PTPRG: variants seen among roughly 807,000 people sequenced by gnomAD.
The protein encoded by PTPRG is receptor-type tyrosine-protein phosphatase gamma.
PTPRG carries 102 observed loss-of-function variants against 165.3 expected under a neutral mutation model. That is an observed-to-expected ratio of 0.62 (90% confidence interval 0.53 to 0.73). PTPRG has a LOEUF of 0.73. PTPRG is among the 30% of genes least tolerant of loss of function. PTPRG has a pLI of 0.00. For missense variants in PTPRG, 1,866 were observed against 1,861.4 expected (o/e 1.00, Z -0.05); for synonymous variants, 675 against 669.5 (o/e 1.01, Z -0.13).
intron 4 of PTPRG, among the ~76,000 whole-genome samples, chr3:62,036,539 C>G (rs1281970450): frequency 2.0e-5 from 3 of 152,132 alleles, no homozygotes; most frequent in Admixed American, 6.5e-5. Flanking sequence ...GAAATCCACT[C>G]AAGAGTTAAA....
chr3:61,599,548 A>G (rs142280855), intron 1 of PTPRG, among the ~76,000 whole-genome samples: 2 of 152,238 alleles, frequency 1.3e-5, no homozygotes, highest in Non-Finnish European at 2.9e-5. Flanking sequence ...GCTGAAGTGC[A>G]GAGGTATGAT....
chr3:61,872,635 A>G (rs1211262406), intron 2 of PTPRG, among the ~76,000 whole-genome samples: 2 of 152,034 alleles, frequency 1.3e-5, no homozygotes, highest in Non-Finnish European at 2.9e-5. Context: ...CCATTTGTAC[A>G]GTGTATTGTC....
At chr3:62,150,011 G>A (rs943623689) in intron 6 of PTPRG, among the ~76,000 whole-genome samples, 4 of 152,112 alleles carry the variant, frequency 2.6e-5, no homozygotes, top group Admixed American at 2.6e-4. Flanking sequence ...TTCTCCCCAT[G>A]TAGCCATGTA....
intron 2 of PTPRG, among the ~76,000 whole-genome samples, chr3:61,904,879 A>T (rs1392482763): frequency 6.6e-6 from 1 of 152,026 alleles, no homozygotes; most frequent in Admixed American, 6.5e-5. Flanking sequence ...TTACCAAAGT[A>T]TAAAGTGATC....
Position 62,297,337 on chromosome 3 carries a change from G to A in PTPRG, c.*4030G>A, listed in dbSNP as rs1366031295. On this transcript the variant is annotated 3_prime_UTR_variant, in exon 30 of 30. Transcript: ENST00000474889. ...ACATGTGTTATTTCTTTGAGGCAGT[G>A]ATTGTGAAAGTTGGGTTTTCTTTTT... 2 of 151,828 alleles carry A rather than the reference G, an allele frequency of 1.3e-5. No individual in the cohort carries two copies. Among genetic ancestry groups the A allele is most frequent in the African/African-American group, 2.4e-5 (1 of 41,398 alleles). 9.4% of individuals were successfully genotyped at this position (151,828 alleles called of 1,614,324 possible).
At chr3:61,640,355 G>T (rs902246925) in intron 1 of PTPRG, among the ~76,000 whole-genome samples, 2 of 152,082 alleles carry the variant, frequency 1.3e-5, no homozygotes. Context: ...ATACACCTGG[G>T]GCCATTTCCA....
rs1699929156 is a variant in PTPRG, at chr3:62,036,126, T to G, written c.519+32629T>G. ...CAGATACAAAAACATCATAAATAATTGCATATGTTAGAAGGTGAGAAGTAC... is the reference window on the plus strand; with the variant it reads ...CAGATACAAAAACATCATAAATAATGGCATATGTTAGAAGGTGAGAAGTAC... On this transcript the variant is annotated intron_variant, in intron 4 of 29. Transcript: ENST00000474889. Among the ~76,000 whole-genome samples the G allele has an allele frequency of 2.0e-5, 3 of 151,934 alleles. No individual in the cohort carries two copies. In the South Asian group the frequency reaches 6.2e-4, roughly 32 times the overall value.
intron 2 of PTPRG, among the ~76,000 whole-genome samples, chr3:61,866,451 A>T (rs2037409769): frequency 6.6e-6 from 1 of 152,154 alleles, no homozygotes; most frequent in Admixed American, 6.5e-5. Context: ...GCTGAGAACC[A>T]GAAGGAGAAA....
intron 4 of PTPRG, among the ~76,000 whole-genome samples, chr3:62,004,608 C>T (rs939378825): frequency 2.0e-5 from 3 of 152,188 alleles, no homozygotes; most frequent in East Asian, 3.9e-4. Context: ...TCTCTTCTCT[C>T]GACTGCAGCA....
intron 2 of PTPRG, among the ~76,000 whole-genome samples, chr3:61,920,129 C>T (rs1273151067): frequency 6.6e-6 from 1 of 152,180 alleles, no homozygotes; most frequent in African/African-American, 2.4e-5. Flanking sequence ...TGCCTGCACT[C>T]GTCCCCACAT....
chr3:62,168,033 T>C lies in PTPRG; in HGVS notation c.903T>C (p.Tyr301=), dbSNP rs911872298. 6.2e-6 allele frequency: 10 copies of C among 1,613,794 alleles called. No homozygotes were observed. The Admixed American group carries it at 8.3e-5, about 13-fold the overall frequency. Residue 301 remains tyrosine, a synonymous_variant, in exon 8 of 30, where the codon TAT becomes TAC. Coordinates refer to ENST00000474889, the MANE Select transcript of PTPRG (RefSeq NM_002841.4). ...AAGACCATGTCAAGTCGGTGGAGTA[T>C]CTGAGAAATAACTTTCGACCACAGC... ...EQQDHVKSVE[Y]LRNNFRPQQR...
chr3:61,564,438 A>G (rs1031849077), intron 1 of PTPRG, among the ~76,000 whole-genome samples: 1 of 152,180 alleles, frequency 6.6e-6, no homozygotes, highest in African/African-American at 2.4e-5. Flanking sequence ...TGGGACTGCC[A>G]GGGAACCAGC....
intron 8 of PTPRG, among the ~76,000 whole-genome samples, chr3:62,173,250 G>GT (rs149228099): frequency 0.012 from 1,754 of 150,272 alleles, 32 homozygotes; most frequent in African/African-American, 0.041. Flanking sequence ...ATTTTTTATT[G>GT]TTTTTTTTTC....
intron 8 of PTPRG, among the ~76,000 whole-genome samples, chr3:62,184,914 C>G (rs1356074699): frequency 6.6e-6 from 1 of 151,932 alleles, no homozygotes; most frequent in Non-Finnish European, 1.5e-5. Context: ...AAGAAGGCCC[C>G]TGGAGGAACC....
rs551079989 is a variant in PTPRG at position 61,773,593 on chromosome 3, A to C, written c.190+24611A>C. Among the ~76,000 whole-genome samples, 18 of 152,270 alleles carry C rather than the reference A, an allele frequency of 1.2e-4. No individual in the cohort carries two copies. In the East Asian group the frequency reaches 3.5e-3, roughly 29 times the overall value. On this transcript the variant is annotated intron_variant, in intron 2 of 29. Transcript: ENST00000474889. Reference sequence around the variant, plus strand: ...GTAATGTCTTTTAATTCCTCCTATCAGTCCTAAGAGGAGAGTATGATTACT... The same window carrying C: ...GTAATGTCTTTTAATTCCTCCTATCCGTCCTAAGAGGAGAGTATGATTACT...
chr3:62,153,537 G>A (rs1353924296), intron 6 of PTPRG, among the ~76,000 whole-genome samples: 2 of 151,844 alleles, frequency 1.3e-5, no homozygotes, highest in African/African-American at 4.8e-5. Context: ...ATGCCTTTAA[G>A]GGCACAAGGA....
intron 2 of PTPRG, among the ~76,000 whole-genome samples, chr3:61,803,286 A>G (rs879573560): frequency 6.6e-6 from 1 of 152,240 alleles, no homozygotes; most frequent in Non-Finnish European, 1.5e-5. Context: ...TATCTCTGCA[A>G]TAGCATCATT....
intron 1 of PTPRG, among the ~76,000 whole-genome samples, chr3:61,663,629 T>A (rs118016600): frequency 1.3e-5 from 2 of 152,064 alleles, no homozygotes; most frequent in East Asian, 1.9e-4. Context: ...TATTACTATA[T>A]TGCAATATAT....
intron 2 of PTPRG, among the ~76,000 whole-genome samples, chr3:61,943,894 G>T (rs2039692224): frequency 6.6e-6 from 1 of 152,166 alleles, no homozygotes; most frequent in South Asian, 2.1e-4. Context: ...AGAAAACAGA[G>T]AAGCCAGAGT....
Sources: allele counts gnomAD v4.1 joint callset (sites outside exome capture counted in the v4.1 genomes callset), GRCh38; gene constraint gnomAD v4.1.1; transcripts MANE v1.5; gene names NCBI Gene and HGNC (gene_info 2026-07-23, HGNC 2026-07-21).